VPS13A: variants seen among roughly 807,000 people sequenced by gnomAD.
VPS13A encodes the protein vacuolar protein sorting 13 homolog A.
Under a neutral mutation model 390.9 loss-of-function variants are expected in VPS13A, and 264 were observed. That is an observed-to-expected ratio of 0.68 (90% CI 0.61 to 0.75). The LOEUF (loss-of-function observed/expected upper bound fraction) is 0.75. VPS13A is among the 30% of genes least tolerant of loss of function. The pLI is 0.00. For missense variants in VPS13A, 3,409 were observed against 3,733.9 expected, an observed-to-expected ratio of 0.91 and a Z score of 2.27; for synonymous variants, 1,231 against 1,227.1, an observed-to-expected ratio of 1.00 and a Z score of -0.07.
At chr9:77,400,700 T>C (rs184888308) in intron 68 of VPS13A, among the ~76,000 whole-genome samples, 260 of 151,382 alleles carry the variant, frequency 1.7e-3, no homozygotes, top group African/African-American at 5.4e-3. Flanking sequence ...TGGTGATGGG[T>C]GCCTGTAGTC....
In VPS13A at chr9:77,415,820, A is replaced by G. The variant is rs138722836; in HGVS notation, c.9475-136A>G. ...TGAAGTGAATGATCTCTTTTGCAGG[A>G]TGAATTTTATGTATTGGCTGTCAGT... is the stretch of plus-strand genomic sequence containing the variant. On this transcript the variant is annotated intron_variant, in intron 71 of 71. Transcript: ENST00000360280. 483 of 963,778 alleles carry G rather than the reference A, an allele frequency of 5.0e-4. 3 individuals carry two copies. In the East Asian group the frequency reaches 0.013, roughly 26 times the overall value. 59.7% of individuals were successfully genotyped at this position (963,778 alleles called of 1,614,324 possible).
intron 17 of VPS13A, among the ~76,000 whole-genome samples, chr9:77,237,666 T>C (rs1824231083): frequency 6.6e-6 from 1 of 152,222 alleles, no homozygotes; most frequent in Admixed American, 6.5e-5. Flanking sequence ...GTCTGGCCTT[T>C]AAATGTTTAT....
At chr9:77,266,289 T>C (rs1039953466) in intron 23 of VPS13A, among the ~76,000 whole-genome samples, 37 of 152,166 alleles carry the variant, frequency 2.4e-4, no homozygotes, top group South Asian at 1.2e-3. Context: ...GGTGGAGAGT[T>C]CTGTAGATGT....
At chr9:77,379,844 C>G (rs1473928468) in intron 67 of VPS13A, among the ~76,000 whole-genome samples, 1 of 152,148 alleles carries the variant, frequency 6.6e-6, no homozygotes, top group African/African-American at 2.4e-5. Context: ...TTTGAACGTT[C>G]TATAGACATC....
intron 70 of VPS13A, among the ~76,000 whole-genome samples, chr9:77,407,123 C>T (rs559265629): frequency 1.2e-4 from 18 of 152,216 alleles, no homozygotes; most frequent in East Asian, 5.8e-4. Context: ...TGTTTATGTA[C>T]GTATGCATAC....
At chr9:77,271,248 T>C (rs190480690) in intron 23 of VPS13A, among the ~76,000 whole-genome samples, 94 of 152,248 alleles carry the variant, frequency 6.2e-4, no homozygotes, top group African/African-American at 2.1e-3. Context: ...CAAAGCCACA[T>C]AGAAATACTA....
At chr9:77,313,666 T>C (rs980678183) in intron 35 of VPS13A, among the ~76,000 whole-genome samples, 2 of 152,188 alleles carry the variant, frequency 1.3e-5, no homozygotes, top group African/African-American at 2.4e-5. Flanking sequence ...TACTGTAATA[T>C]GCATTTTACA....
chr9:77,273,648 G>C (rs548057707), intron 24 of VPS13A, among the ~76,000 whole-genome samples: 67 of 152,262 alleles, frequency 4.4e-4, no homozygotes, highest in Non-Finnish European at 9.1e-4. Flanking sequence ...CTTAAACAAA[G>C]GAAAAGAGGT....
In VPS13A at chr9:77,341,749, A is replaced by G. The variant is rs1830838551; in HGVS notation, c.7026+1199A>G. ...TTTGCTGTGTCTGAACTACTATTTA[A>G]GTCTTCAACTGAGTATTTGAATAAT... is the stretch of plus-strand genomic sequence containing the variant. On this transcript the variant is annotated intron_variant, in intron 50 of 71. Transcript: ENST00000360280. 3.2e-5 allele frequency among the ~76,000 whole-genome samples: 3 copies of G among 93,004 alleles called. No individual in the cohort carries two copies. In the Admixed American group the frequency reaches 4.5e-4, roughly 14 times the overall value. 61.0% of individuals were successfully genotyped at this position (93,004 alleles called of 152,430 possible).
At chr9:77,207,252 T>TATATATATATATATATATTA in intron 5 of VPS13A, among the ~76,000 whole-genome samples, 1 of 87,274 alleles carries the variant, frequency 1.1e-5, no homozygotes, top group East Asian at 3.7e-4. Flanking sequence ...TATATATATA[T>TATATATATATATATATATTA]AAAACGTGTT....
chr9:77,322,882 T>A (rs952053749), intron 44 of VPS13A, among the ~76,000 whole-genome samples, 185 bp from the exon 45 acceptor site: 3 of 152,078 alleles, frequency 2.0e-5, no homozygotes, highest in African/African-American at 7.2e-5. Flanking sequence ...GGGAGTTTTT[T>A]AATTAATGCT....
chr9:77,385,213 A>G, intron 68 of VPS13A: 1 of 881,588 alleles, frequency 1.1e-6, no homozygotes, highest in Non-Finnish European at 1.4e-6. Context: ...TTGTTGTTCT[A>G]TCCCCAAATC....
rs1174611198 is a variant in VPS13A at position 77,318,451 on chromosome 9, A to G, written c.5173A>G (p.Asn1725Asp). ...LVPKGEMIKM[N>D]IDSIFIVLEA... ...ACCCAAAGGCGAGATGATAAAAATGAACATTGATTCTATTTTTATAGTTCT... is the reference window on the plus strand; with the variant it reads ...ACCCAAAGGCGAGATGATAAAAATGGACATTGATTCTATTTTTATAGTTCT... The change falls in exon 41 of 72, where the codon AAC becomes GAC. Residue 1725 changes from asparagine (N) to aspartate (D), a missense_variant. Transcript: ENST00000360280. 3 of 1,613,874 alleles carry G rather than the reference A, an allele frequency of 1.9e-6. No individual in the cohort carries two copies. The Admixed American group carries it at 5.0e-5, about 27-fold the overall frequency.
At chr9:77,207,890 C>G (rs1825769974) in intron 5 of VPS13A, among the ~76,000 whole-genome samples, 1 of 152,022 alleles carries the variant, frequency 6.6e-6, no homozygotes, top group Non-Finnish European at 1.5e-5. Flanking sequence ...TTGTTTTAAA[C>G]TCATCTTGTG....
chr9:77,395,491 A>G (rs773721984), intron 68 of VPS13A, among the ~76,000 whole-genome samples: 7 of 152,226 alleles, frequency 4.6e-5, no homozygotes, highest in Non-Finnish European at 7.3e-5. Context: ...GAAATATTGT[A>G]AGAATTAACA....
At chr9:77,392,732 AAACTATATAT>A in intron 68 of VPS13A, among the ~76,000 whole-genome samples, 1 of 149,548 alleles carries the variant, frequency 6.7e-6, no homozygotes, top group Non-Finnish European at 1.5e-5. Flanking sequence ...ACACTATATA[AAACTATATAT>A]AACTATATAA....
intron 1 of VPS13A, among the ~76,000 whole-genome samples, chr9:77,195,892 T>C (rs1824971672): frequency 6.6e-6 from 1 of 152,158 alleles, no homozygotes; most frequent in South Asian, 2.1e-4. Flanking sequence ...AGGAATAAAT[T>C]TAGGTGGTGA....
chr9:77,245,898 A>C (rs986625439), intron 19 of VPS13A, among the ~76,000 whole-genome samples: 5 of 152,240 alleles, frequency 3.3e-5, no homozygotes, highest in Admixed American at 1.3e-4. Context: ...TGAGGGTTTC[A>C]GAATGCTTCC....
chr9:77,294,482 A>G (rs190666429), intron 32 of VPS13A, among the ~76,000 whole-genome samples: 2 of 152,276 alleles, frequency 1.3e-5, no homozygotes, highest in East Asian at 3.9e-4. Context: ...AATCAAATCT[A>G]AGGCTGTAGT....
Sources: allele counts gnomAD v4.1 joint callset (sites outside exome capture counted in the v4.1 genomes callset), GRCh38; gene constraint gnomAD v4.1.1; transcripts MANE v1.5; gene names NCBI Gene and HGNC (gene_info 2026-07-23, HGNC 2026-07-21).